The following CLASP2 variants were observed in gnomAD, a reference collection of about 807,000 sequenced individuals.
CLASP2 encodes cytoplasmic linker associated protein 2, also known as CLIP-associating protein 2.
Under a neutral mutation model 194.4 loss-of-function variants are expected in CLASP2, and 47 were observed. The observed-to-expected ratio is 0.24, with a 90% CI of 0.19 to 0.31. The LOEUF is 0.31. Ranked by LOEUF, CLASP2 falls within the 10% of genes least tolerant of loss-of-function variation. The pLI is 1.00. For synonymous variants in CLASP2, 619 were observed against 633.5 expected (o/e 0.98, Z 0.34); for missense variants, 1,445 against 1,823.6 (o/e 0.79, Z 3.78).
intron 34 of CLASP2, among the ~76,000 whole-genome samples, chr3:33,532,120 C>A (rs1420494589): frequency 1.3e-5 from 2 of 152,186 alleles, no homozygotes; most frequent in East Asian, 3.9e-4. Flanking sequence ...GGAAGCAACA[C>A]AAGTGTCCAT....
intron 29 of CLASP2, among the ~76,000 whole-genome samples, chr3:33,557,983 A>G (rs1341252859): frequency 6.6e-6 from 1 of 152,242 alleles, no homozygotes; most frequent in Non-Finnish European, 1.5e-5. Context: ...AATGTAAATT[A>G]ACAGTTTATC....
At chr3:33,596,273 G>GT (rs2070340238) in intron 19 of CLASP2, among the ~76,000 whole-genome samples, 1 of 152,074 alleles carries the variant, frequency 6.6e-6, no homozygotes, top group Admixed American at 6.5e-5. Flanking sequence ...GTCGGCCTCT[G>GT]TAACTTGCAT....
At chr3:33,708,376 C>T (rs1158776386) in intron 1 of CLASP2, among the ~76,000 whole-genome samples, 2 of 150,446 alleles carry the variant, frequency 1.3e-5, no homozygotes, top group Admixed American at 1.3e-4. Flanking sequence ...ATAATGTCTT[C>T]CAGGTTCATC....
chr3:33,604,022 G>T (rs1299554425), intron 17 of CLASP2, 132 bp downstream of exon 17: 1 of 655,268 alleles, frequency 1.5e-6, no homozygotes, highest in Non-Finnish European at 2.7e-6. Flanking sequence ...ACATATACAG[G>T]TACAGTGCAT....
At chr3:33,539,840 T>C (rs950532899) in intron 32 of CLASP2, among the ~76,000 whole-genome samples, 13 of 152,126 alleles carry the variant, frequency 8.5e-5, no homozygotes, top group Admixed American at 5.9e-4. Context: ...CTCCCAGTAA[T>C]GGTACTGCTT....
chr3:33,515,352 G>A (rs921120817), intron 36 of CLASP2, among the ~76,000 whole-genome samples: 5 of 152,214 alleles, frequency 3.3e-5, no homozygotes, highest in East Asian at 3.9e-4. Flanking sequence ...ACAGGTTCAC[G>A]GAACTCTTCC....
At chr3:33,544,223 T>G (rs1035894767) in intron 31 of CLASP2, among the ~76,000 whole-genome samples, 2 of 152,216 alleles carry the variant, frequency 1.3e-5, no homozygotes, top group Non-Finnish European at 2.9e-5. Context: ...ACTTACTTCT[T>G]CAAAACAAAT....
chr3:33,713,651 A>G (rs1383839068), intron 1 of CLASP2, among the ~76,000 whole-genome samples: 1 of 152,084 alleles, frequency 6.6e-6, no homozygotes, highest in Non-Finnish European at 1.5e-5. Flanking sequence ...CCTGCACTAC[A>G]TAGCGCTACA....
intron 16 of CLASP2, among the ~76,000 whole-genome samples, chr3:33,604,578 C>T (rs1166542416): frequency 6.6e-6 from 1 of 152,156 alleles, no homozygotes; most frequent in Non-Finnish European, 1.5e-5. Flanking sequence ...ACCTCAGCCT[C>T]TCAAAGTGCT....
chr3:33,544,992 C>T, intron 30 of CLASP2, 151 bp from the exon 31 acceptor site: 1 of 502,172 alleles, frequency 2.0e-6, no homozygotes, highest in Non-Finnish European at 3.2e-6. Context: ...AACTGTTTTG[C>T]TGGAAGGATA....
chr3:33,575,752 ACTTT>A (rs561769860), intron 24 of CLASP2, among the ~76,000 whole-genome samples: 125 of 152,232 alleles, frequency 8.2e-4, no homozygotes, highest in African/African-American at 2.7e-3. Context: ...TTGAGGTTGT[ACTTT>A]CTTTTAGTTC....
At chr3:33,556,593 G>A (rs1410124102) in intron 29 of CLASP2, among the ~76,000 whole-genome samples, 1 of 151,314 alleles carries the variant, frequency 6.6e-6, no homozygotes, top group Non-Finnish European at 1.5e-5. Flanking sequence ...CTGCCACCAC[G>A]CCTGGCTAAC....
Position 33,645,164 on chromosome 3 carries a change from A to T in CLASP2, c.716-261T>A, listed in dbSNP as rs555841977. ...TCAAAACATAAAACATTTTAACTCT[A>T]AAGGTAGTAAAAGTATTTTTCATGT... On this transcript the variant is annotated intron_variant, in intron 7 of 38. Coordinates refer to ENST00000682230, the MANE Select transcript of CLASP2 (RefSeq NM_001365631.1). 11 of 744,060 alleles carry T rather than the reference A, an allele frequency of 1.5e-5. No individual in the cohort carries two copies. The East Asian group carries it at 2.4e-4, about 16-fold the overall frequency. The allele number at this position is 744,060 out of a possible 1,614,324, so 46.1% of individuals were successfully genotyped here.
chr3:33,618,565 G>A (rs1203652255), intron 12 of CLASP2, among the ~76,000 whole-genome samples: 1 of 151,934 alleles, frequency 6.6e-6, no homozygotes, highest in African/African-American at 2.4e-5. Flanking sequence ...GAAAATAGCT[G>A]GAACCCGGGC....
At chr3:33,543,648 T>A (rs1221890860) in intron 31 of CLASP2, 109 bp from the exon 32 acceptor site, 5 of 652,488 alleles carry the variant, frequency 7.7e-6, no homozygotes, top group Non-Finnish European at 1.4e-5. Flanking sequence ...AAGGGCCATA[T>A]TTACAGGTCA....
chr3:33,586,354 C>T (rs1414605469), intron 21 of CLASP2, among the ~76,000 whole-genome samples: 3 of 152,018 alleles, frequency 2.0e-5, no homozygotes, highest in African/African-American at 7.2e-5. Flanking sequence ...AGGCTGGTCT[C>T]GAACTCCTGA....
intron 1 of CLASP2, among the ~76,000 whole-genome samples, chr3:33,702,559 C>T (rs2092443674): frequency 6.6e-6 from 1 of 151,524 alleles, no homozygotes; most frequent in Non-Finnish European, 1.5e-5. Flanking sequence ...GTTTCTTAGA[C>T]AGGACATAAA....
intron 27 of CLASP2, among the ~76,000 whole-genome samples, chr3:33,563,500 T>C (rs1341948156): frequency 6.6e-6 from 1 of 152,228 alleles, no homozygotes; most frequent in East Asian, 1.9e-4. Flanking sequence ...ACTTTAGTTT[T>C]ATATTTCCTG....
intron 14 of CLASP2, 55 bp downstream of exon 14, chr3:33,608,511 TA>T: frequency 1.5e-6 from 2 of 1,352,964 alleles, no homozygotes; most frequent in Non-Finnish European, 2.1e-6. Flanking sequence ...CATCAACTTC[TA>T]AAGAACTGGT....
Sources: gnomAD v4.1 joint callset for allele counts (sites outside exome capture counted in the v4.1 genomes callset) on GRCh38, gnomAD v4.1.1 for gene constraint, MANE v1.5 for transcripts, NCBI Gene and HGNC (gene_info 2026-07-23, HGNC 2026-07-21) for gene names.